Variants in PRKG1 observed in about 807,000 individuals in gnomAD.
PRKG1 encodes the protein cGMP-dependent protein kinase 1.
A neutral mutation model predicts 88.1 loss-of-function variants in PRKG1; 35 were observed. The observed-to-expected ratio is 0.40, with a 90% confidence interval of 0.30 to 0.53. The LOEUF (loss-of-function observed/expected upper bound fraction) is 0.53, where lower values mean the gene tolerates loss of function less well. Among genes scored for constraint, PRKG1 ranks in the 20% least tolerant of loss-of-function variants. The pLI is 0.59. For missense variants in PRKG1, 540 were observed against 839.8 expected, an observed-to-expected ratio of 0.64 and a Z score of 4.41; for synonymous variants, 303 against 292.5, an observed-to-expected ratio of 1.04 and a Z score of -0.37.
intron 2 of PRKG1, among the ~76,000 whole-genome samples, chr10:51,324,771 A>G (rs767066052): frequency 6.7e-6 from 1 of 148,724 alleles, no homozygotes; most frequent in Non-Finnish European, 1.5e-5. Context: ...GTATATATCT[A>G]ACATTTTCTT....
At chr10:51,916,911 A>G in intron 5 of PRKG1, among the ~76,000 whole-genome samples, 1 of 152,378 alleles carries the variant, frequency 6.6e-6, no homozygotes, top group South Asian at 2.1e-4. Context: ...AGTAAATAAA[A>G]GTAAAATGAC....
At chr10:52,291,483 C>A (rs12244698) in intron 17 of PRKG1, among the ~76,000 whole-genome samples, 16,008 of 146,680 alleles carry the variant, frequency 0.11, 1,395 homozygotes, top group African/African-American at 0.24. Flanking sequence ...TCAGTTCCCA[C>A]CTATGAGTGA....
chr10:51,034,107 G>A (rs1843321554), intron 1 of PRKG1, among the ~76,000 whole-genome samples: 1 of 152,090 alleles, frequency 6.6e-6, no homozygotes, highest in Non-Finnish European at 1.5e-5. Context: ...AATCACATTT[G>A]GACATTACAG....
At position 52,142,705 on chromosome 10, in the gene PRKG1, G is replaced by A. The variant is rs1837615266; in HGVS notation, c.1001+8800G>A. 2.6e-5 allele frequency among the ~76,000 whole-genome samples: 4 copies of A among 152,216 alleles called. No homozygotes were observed. The South Asian group carries it at 8.3e-4, about 32-fold the overall frequency. On this transcript the variant is annotated intron_variant, in intron 8 of 17. Coordinates refer to ENST00000373980, the MANE Select transcript of PRKG1 (RefSeq NM_006258.4). Reference sequence around the variant, plus strand: ...TTTAAATGACAATTTTATCAATTCAGCTAATAAATTTATTTCATTAAAAAC... The same window carrying A: ...TTTAAATGACAATTTTATCAATTCAACTAATAAATTTATTTCATTAAAAAC...
At chr10:51,097,451 G>C (rs1844558915) in intron 1 of PRKG1, among the ~76,000 whole-genome samples, 1 of 152,056 alleles carries the variant, frequency 6.6e-6, no homozygotes, top group Non-Finnish European at 1.5e-5. Flanking sequence ...TGAAACTCCT[G>C]GGCTCAAGCA....
chr10:51,651,804 G>C (rs1309947717), intron 3 of PRKG1, among the ~76,000 whole-genome samples: 1 of 151,754 alleles, frequency 6.6e-6, no homozygotes, highest in Non-Finnish European at 1.5e-5. Context: ...GAATTGTCTC[G>C]ATCTCTTGAC....
intron 5 of PRKG1, among the ~76,000 whole-genome samples, chr10:52,004,025 T>C (rs760888271): frequency 2.0e-5 from 3 of 152,174 alleles, no homozygotes; most frequent in Admixed American, 6.5e-5. Context: ...TGAATGTATA[T>C]ATAATGTTTA....
chr10:51,390,135 A>G (rs1192029660), intron 2 of PRKG1, among the ~76,000 whole-genome samples: 1 of 152,246 alleles, frequency 6.6e-6, no homozygotes, highest in Non-Finnish European at 1.5e-5. Context: ...AGTTGATAGT[A>G]CAGCATTTAA....
intron 2 of PRKG1, among the ~76,000 whole-genome samples, chr10:51,392,405 C>A (rs1306415181): frequency 1.3e-5 from 2 of 152,106 alleles, no homozygotes; most frequent in Admixed American, 1.3e-4. Flanking sequence ...CCATTTAACC[C>A]TGAGTGGACA....
At chr10:51,624,981 G>C (rs1422987136) in intron 3 of PRKG1, among the ~76,000 whole-genome samples, 1 of 152,166 alleles carries the variant, frequency 6.6e-6, no homozygotes, top group Non-Finnish European at 1.5e-5. Context: ...ACAAGTTTTG[G>C]TGTTCTAATA....
intron 1 of PRKG1, among the ~76,000 whole-genome samples, chr10:51,116,287 C>G (rs1264316447): frequency 6.6e-6 from 1 of 152,250 alleles, no homozygotes; most frequent in Middle Eastern, 3.4e-3. Flanking sequence ...TTTCCTGCCT[C>G]TTGAAGAAGA....
At chr10:52,227,532 A>G (rs543733702) in intron 9 of PRKG1, among the ~76,000 whole-genome samples, 1 of 152,252 alleles carries the variant, frequency 6.6e-6, no homozygotes, top group South Asian at 2.1e-4. Context: ...AGTGTATGGG[A>G]GGATGTGCTC....
Position 51,670,772 on chromosome 10 carries a change from A to G in PRKG1, c.593-133813A>G, listed in dbSNP as rs549010643. Among the ~76,000 whole-genome samples the G allele has an allele frequency of 2.0e-3, 301 of 150,856 alleles. 2 individuals are homozygous for G. Among genetic ancestry groups the G allele is most frequent in the African/African-American group, 7.0e-3 (288 of 41,316 alleles). On this transcript the variant is annotated intron_variant, in intron 3 of 17. Transcript: ENST00000373980. Reference sequence around the variant, plus strand: ...AATAAATAAATAAATAAATAAATAAATAAATAAATAAATAAAAATGCAAGA... The same window carrying G: ...AATAAATAAATAAATAAATAAATAAGTAAATAAATAAATAAAAATGCAAGA...
At chr10:51,531,616 T>G (rs1363045417) in intron 3 of PRKG1, among the ~76,000 whole-genome samples, 1 of 151,674 alleles carries the variant, frequency 6.6e-6, no homozygotes, top group Non-Finnish European at 1.5e-5. Context: ...AGAGACATTG[T>G]TTCGGACTAC....
intron 4 of PRKG1, among the ~76,000 whole-genome samples, chr10:51,836,375 T>G (rs1447248843): frequency 6.6e-6 from 1 of 152,142 alleles, no homozygotes; most frequent in Non-Finnish European, 1.5e-5. Flanking sequence ...GATTTTCTCT[T>G]CACTTTATTG....
intron 4 of PRKG1, among the ~76,000 whole-genome samples, chr10:51,889,598 T>G (rs567644590): frequency 1.9e-4 from 29 of 152,154 alleles, no homozygotes; most frequent in South Asian, 8.3e-4. Context: ...GGGTCAAATG[T>G]TATTTCTAGT....
Position 51,649,803 on chromosome 10 carries a change from A to G in PRKG1, c.593-154782A>G, listed in dbSNP as rs149302396. ...ATCTCCTAGAGGTTTCCCATTGGCC[A>G]CTTCATGCTCACCTCATGTAACTGA... is the stretch of plus-strand genomic sequence containing the variant. On this transcript the variant is annotated intron_variant, in intron 3 of 17. Transcript: ENST00000373980. Among the ~76,000 whole-genome samples the G allele has an allele frequency of 4.7e-3, 720 of 152,308 alleles. 7 individuals carry two copies. Among genetic ancestry groups the G allele is most frequent in the African/African-American group, 0.016 (673 of 41,562 alleles).
At chr10:51,258,347 T>C (rs10996353) in intron 2 of PRKG1, among the ~76,000 whole-genome samples, 9,570 of 152,274 alleles carry the variant, frequency 0.063, 607 homozygotes, top group African/African-American at 0.17. Context: ...AAGCATGTGA[T>C]TTCGACATTT....
At chr10:51,256,580 G>A (rs1839565710) in intron 2 of PRKG1, among the ~76,000 whole-genome samples, 1 of 152,148 alleles carries the variant, frequency 6.6e-6, no homozygotes, top group Admixed American at 6.5e-5. Flanking sequence ...AGTGAAGAGG[G>A]CCATGATGTT....
Sources: allele counts gnomAD v4.1 joint callset (sites outside exome capture counted in the v4.1 genomes callset), GRCh38; gene constraint gnomAD v4.1.1; transcripts MANE v1.5; gene names NCBI Gene and HGNC (gene_info 2026-07-23, HGNC 2026-07-21).